ROPN1L: variants seen among roughly 807,000 people sequenced by gnomAD.
The protein encoded by ROPN1L is ropporin-1-like protein.
Under a neutral mutation model 22.7 loss-of-function variants are expected in ROPN1L, and 23 were observed. The observed-to-expected ratio is 1.01, with a 90% CI of 0.73 to 1.43. ROPN1L has a LOEUF of 1.43. Among genes scored for constraint, ROPN1L ranks in the 40% most tolerant of loss-of-function variants. The pLI, the probability that ROPN1L is intolerant of heterozygous loss-of-function variation, is 0.00. For synonymous variants in ROPN1L, 116 were observed against 117.8 expected (o/e 0.98, Z 0.10); for missense variants, 271 against 291.5 (o/e 0.93, Z 0.51).
chr5:10,471,651 T>C (rs918597099), intron 4 of ROPN1L, among the ~76,000 whole-genome samples: 3 of 152,080 alleles, frequency 2.0e-5, no homozygotes, highest in Non-Finnish European at 2.9e-5. Context: ...GGAGAAGCTG[T>C]TGCGGGGATC....
Position 10,449,958 on chromosome 5 carries a change from C to A in ROPN1L, c.262C>A (p.His88Asn). The change falls in exon 3 of 5, where the codon CAC becomes AAC. Residue 88 changes from histidine to asparagine, a missense_variant. Transcript: ENST00000274134. ...TGCTGTGTTTTCCAAACAGTGTCACCACAAGCGGTATGTGGAATTAACAGA... is the reference window on the plus strand; with the variant it reads ...TGCTGTGTTTTCCAAACAGTGTCACAACAAGCGGTATGTGGAATTAACAGA... ...LLKVLHKQCH[H>N]KRYVELTDLE... 6.2e-7 allele frequency: 1 copy of A among 1,608,238 alleles called. No individual in the cohort carries two copies. Among genetic ancestry groups the A allele is most frequent in the East Asian group, 2.2e-5 (1 of 44,560 alleles).
chr5:10,461,179 C>G lies in ROPN1L; in HGVS notation c.418-5C>G, dbSNP rs770745861. ...TTTCTCCCCACCTGGCTGTGGTGCT[C>G]CCAGTCCTTGAACACTGCGCTGAAG... On this transcript the variant is annotated splice_polypyrimidine_tract_variant and splice_region_variant and intron_variant, in intron 3 of 4. Transcript: ENST00000274134. The G allele has an allele frequency of 7.5e-6, 12 of 1,609,284 alleles. No homozygotes were observed. The highest frequency in any genetic ancestry group is 1.0e-5 in the Non-Finnish European group (12 of 1,177,046).
rs756441351 is a variant in ROPN1L at position 10,442,226 on chromosome 5, C to G, written c.59C>G (p.Pro20Arg). Reference sequence around the variant, plus strand: ...CAGATCCACATTCCCCCGGAGCTGCCGGACATCCTGAAGCAATTCACCAAG... The same window carrying G: ...CAGATCCACATTCCCCCGGAGCTGCGGGACATCCTGAAGCAATTCACCAAG... Reference protein sequence around the residue: ...AQQIHIPPELPDILKQFTKAA... With the variant: ...AQQIHIPPELRDILKQFTKAA... Residue 20 changes from proline to arginine, a missense_variant, in exon 1 of 5, where the codon CCG (proline) becomes CGG (arginine). Coordinates refer to ENST00000274134, the MANE Select transcript of ROPN1L (RefSeq NM_031916.5). 6.2e-7 allele frequency: 1 copy of G among 1,613,860 alleles called. No homozygotes were observed. Among genetic ancestry groups the G allele is most frequent in the Admixed American group, 1.7e-5 (1 of 60,030 alleles).
chr5:10,453,019 G>A (rs1741302750), intron 3 of ROPN1L, among the ~76,000 whole-genome samples: 1 of 152,196 alleles, frequency 6.6e-6, no homozygotes, highest in Non-Finnish European at 1.5e-5. Flanking sequence ...ATCATGCTGT[G>A]CATCACTGCG....
intron 1 of ROPN1L, among the ~76,000 whole-genome samples, chr5:10,443,986 C>T (rs1740974125): frequency 6.6e-6 from 1 of 152,164 alleles, no homozygotes; most frequent in Non-Finnish European, 1.5e-5. Flanking sequence ...GTAACATTCC[C>T]AGGTTCCTGG....
chr5:10,466,000 C>T (rs1735147416), downstream of ROPN1L, among the ~76,000 whole-genome samples: 1 of 152,194 alleles, frequency 6.6e-6, no homozygotes, highest in African/African-American at 2.4e-5. Context: ...GACCCTGCTG[C>T]CTGGCCTAGC....
chr5:10,461,162 C>T (rs755587441), intron 3 of ROPN1L, 22 bp from the exon 4 acceptor site: 2 of 1,599,584 alleles, frequency 1.3e-6, no homozygotes, highest in Non-Finnish European at 8.5e-7. Flanking sequence ...TTTTTCTCCC[C>T]ACCTGGCTGT....
chr5:10,453,663 C>T (rs985014348), intron 3 of ROPN1L, among the ~76,000 whole-genome samples: 3 of 152,112 alleles, frequency 2.0e-5, no homozygotes, highest in East Asian at 1.9e-4. Context: ...GCATCTATGG[C>T]GGGGGCGTGG....
At chr5:10,457,565 G>T (rs1465133990) in intron 3 of ROPN1L, among the ~76,000 whole-genome samples, 4 of 152,234 alleles carry the variant, frequency 2.6e-5, no homozygotes, top group Admixed American at 1.3e-4. Flanking sequence ...GCTCCTCGCA[G>T]TAACCACACG....
At chr5:10,452,493 CG>C (rs562347111) in intron 3 of ROPN1L, among the ~76,000 whole-genome samples, 2 of 151,270 alleles carry the variant, frequency 1.3e-5, no homozygotes, top group South Asian at 4.2e-4. Context: ...TGGACCTCCA[CG>C]CCTGGCTAAT....
At chr5:10,451,791 G>T (rs757174955) in intron 3 of ROPN1L, among the ~76,000 whole-genome samples, 1 of 152,222 alleles carries the variant, frequency 6.6e-6, no homozygotes, top group African/African-American at 2.4e-5. Flanking sequence ...TGGCAGGCAT[G>T]GTACCCTCCA....
At chr5:10,442,434 G>C in intron 1 of ROPN1L, 136 bp downstream of exon 1, 1 of 1,078,882 alleles carries the variant, frequency 9.3e-7, no homozygotes, top group Non-Finnish European at 1.3e-6. Context: ...TTTCCCCTTA[G>C]CATTGGTGAC....
downstream of ROPN1L, among the ~76,000 whole-genome samples, chr5:10,467,520 G>A (rs73740713): frequency 2.9e-4 from 44 of 152,298 alleles, no homozygotes; most frequent in African/African-American, 1.1e-3. Flanking sequence ...GAGGCGGGAG[G>A]GGAGGATGTG....
At chr5:10,442,384 T>C (rs2567577) in intron 1 of ROPN1L, 86 bp downstream of exon 1, 1,507,813 of 1,543,348 alleles carry the variant, frequency 0.98, 737,642 homozygotes, top group East Asian at 1. Context: ...ACCAGGGGCC[T>C]TACGCGGCAC....
intron 4 of ROPN1L, among the ~76,000 whole-genome samples, chr5:10,470,280 T>G (rs1284412793): frequency 7.7e-5 from 1 of 12,962 alleles, no homozygotes; most frequent in Non-Finnish European, 4.0e-4. Flanking sequence ...ATTTGTACAA[T>G]TGTACAATCC....
At chr5:10,481,115 GC>G in the ROPN1L span, among the ~76,000 whole-genome samples, 1 of 152,194 alleles carries the variant, frequency 6.6e-6, no homozygotes, top group Non-Finnish European at 1.5e-5. Flanking sequence ...GACAAATGCT[GC>G]CTAATGACAC....
intron 1 of ROPN1L, among the ~76,000 whole-genome samples, chr5:10,446,256 G>C (rs1032062348): frequency 1.3e-5 from 2 of 152,196 alleles, no homozygotes; most frequent in African/African-American, 4.8e-5. Context: ...CTGACAGTTG[G>C]GGAGGGCACA....
intron 3 of ROPN1L, among the ~76,000 whole-genome samples, chr5:10,459,436 G>A (rs1196175987): frequency 6.6e-6 from 1 of 151,398 alleles, no homozygotes; most frequent in Non-Finnish European, 1.5e-5. Flanking sequence ...ACACTCTACA[G>A]TGCTCCGTCT....
rs781546950 is a variant in ROPN1L, at chr5:10,448,278, G to T, written c.150G>T (p.Ser50=). The T allele has an allele frequency of 2.5e-6, 4 of 1,614,114 alleles. No individual in the cohort carries two copies. In the South Asian group the frequency reaches 4.4e-5, roughly 18 times the overall value. ...RWSAGYFSAL[S]RGDPLPVKDR... ...TTATTAGCTATTTTTCAGCTCTGTC[G>T]AGAGGAGATCCACTTCCTGTAAAGG... is the stretch of plus-strand genomic sequence containing the variant. The change falls in exon 2 of 5, where the codon TCG becomes TCT. Residue 50 remains serine (S), a synonymous_variant. Coordinates refer to ENST00000274134, the MANE Select transcript of ROPN1L (RefSeq NM_031916.5).
Sources: gnomAD v4.1 joint callset for allele counts (sites outside exome capture counted in the v4.1 genomes callset) on GRCh38, gnomAD v4.1.1 for gene constraint, MANE v1.5 for transcripts, NCBI Gene and HGNC (gene_info 2026-07-23, HGNC 2026-07-21) for gene names.